ULK4: variants seen among roughly 807,000 people sequenced by gnomAD.
ULK4 encodes the protein inactive serine/threonine-protein kinase ULK4.
In ULK4, 133 loss-of-function variants were observed where a neutral mutation model predicts 160.6. The observed-to-expected ratio is 0.83, with a 90% CI of 0.72 to 0.96. The LOEUF (loss-of-function observed/expected upper bound fraction) is 0.96, where lower values mean the gene tolerates loss of function less well. ULK4 is among the 40% of genes least tolerant of loss of function. The pLI, the probability that ULK4 is intolerant of heterozygous loss-of-function variation, is 0.00. For synonymous variants in ULK4, 534 were observed against 539.8 expected (o/e 0.99, Z 0.15); for missense variants, 1,580 against 1,499.5 (o/e 1.05, Z -0.89).
rs147540453 is a variant in ULK4 at position 41,686,027 on chromosome 3, ATATGTG to A, written c.2782-4229_2782-4224del. ...TATGGATATAAATGTATATCTGCAT[ATATGTG>A]TATGTGTATATGTATATGAACATAT... On this transcript the variant is annotated intron_variant, in intron 27 of 36. Transcript: ENST00000301831. Among the ~76,000 whole-genome samples the A allele has an allele frequency of 3.2e-3, 487 of 152,304 alleles. 2 individuals are homozygous for A. The highest frequency in any genetic ancestry group is 0.011 in the African/African-American group (468 of 41,564).
chr3:41,253,918 T>G (rs1292302154), intron 35 of ULK4, among the ~76,000 whole-genome samples: 1 of 152,180 alleles, frequency 6.6e-6, no homozygotes, highest in African/African-American at 2.4e-5. Context: ...GGACATATTT[T>G]GATTAAAGGG....
chr3:41,463,080 C>T lies in ULK4; in HGVS notation c.3393+7G>A, dbSNP rs1369038780. On this transcript the variant is annotated splice_region_variant and intron_variant, in intron 33 of 36. Transcript: ENST00000301831. ...CTGCTCAAGACACAGGAAAACAGAT[C>T]CTCTACCTGCAAAGCCAGCCGTACA... 3.1e-6 allele frequency: 5 copies of T among 1,611,780 alleles called. No homozygotes were observed. The highest frequency in any genetic ancestry group is 4.2e-6 in the Non-Finnish European group (5 of 1,178,722).
At chr3:41,600,147 G>A (rs2031966928) in intron 31 of ULK4, among the ~76,000 whole-genome samples, 1 of 152,102 alleles carries the variant, frequency 6.6e-6, no homozygotes, top group South Asian at 2.1e-4. Context: ...CTAAAAGCTT[G>A]TCACAGTCTG....
At chr3:41,542,868 T>C (rs564677033) in intron 32 of ULK4, among the ~76,000 whole-genome samples, 2 of 152,182 alleles carry the variant, frequency 1.3e-5, no homozygotes, top group East Asian at 3.9e-4. Context: ...AATTGTATCA[T>C]TAGATGCAAC....
At chr3:41,571,146 T>C (rs773168364) in intron 31 of ULK4, among the ~76,000 whole-genome samples, 4 of 152,230 alleles carry the variant, frequency 2.6e-5, no homozygotes, top group Non-Finnish European at 5.9e-5. Flanking sequence ...GAGGGCTTTA[T>C]AAAAATTATG....
chr3:41,672,968 G>C (rs2035587354), intron 29 of ULK4, among the ~76,000 whole-genome samples: 1 of 152,006 alleles, frequency 6.6e-6, no homozygotes. Flanking sequence ...CTCCCAAGTA[G>C]CTAGGACTAC....
intron 30 of ULK4, among the ~76,000 whole-genome samples, chr3:41,643,331 C>G (rs1415187512): frequency 6.6e-6 from 1 of 152,026 alleles, no homozygotes; most frequent in Non-Finnish European, 1.5e-5. Context: ...TTAGGTGTAA[C>G]GTTTAAGTCT....
chr3:41,394,530 C>T (rs2082016769), intron 35 of ULK4, among the ~76,000 whole-genome samples: 1 of 152,092 alleles, frequency 6.6e-6, no homozygotes, highest in African/African-American at 2.4e-5. Flanking sequence ...TAATACAAAG[C>T]CTACTTTGTA....
chr3:41,460,059 T>C (rs768039237), intron 33 of ULK4, among the ~76,000 whole-genome samples: 11 of 152,234 alleles, frequency 7.2e-5, no homozygotes, highest in African/African-American at 1.4e-4. Flanking sequence ...AGGAATCAAG[T>C]TGGATAATTA....
chr3:41,776,654 G>A (rs1408508471), intron 21 of ULK4, among the ~76,000 whole-genome samples: 1 of 138,004 alleles, frequency 7.2e-6, no homozygotes, highest in South Asian at 2.3e-4. Flanking sequence ...TTTGTCAAAG[G>A]CTTTTTCTGC....
chr3:41,665,168 C>G (rs1379951563), intron 29 of ULK4, among the ~76,000 whole-genome samples: 1 of 152,070 alleles, frequency 6.6e-6, no homozygotes, highest in Non-Finnish European at 1.5e-5. Flanking sequence ...GAGAATAGGG[C>G]CCCATGCTTA....
At chr3:41,801,903 G>C (rs921791302) in intron 19 of ULK4, among the ~76,000 whole-genome samples, 3 of 150,548 alleles carry the variant, frequency 2.0e-5, no homozygotes, top group African/African-American at 4.9e-5. Flanking sequence ...CAAGCAACTA[G>C]AGTAAAAAGG....
chr3:41,652,413 C>T (rs1417428875), intron 30 of ULK4, among the ~76,000 whole-genome samples: 1 of 152,104 alleles, frequency 6.6e-6, no homozygotes, highest in Non-Finnish European at 1.5e-5. Context: ...ACACTTATTT[C>T]ATCAGTGCTT....
At chr3:41,937,463 C>T (rs537624384) in intron 3 of ULK4, 17 of 573,966 alleles carry the variant, frequency 3.0e-5, no homozygotes, top group Middle Eastern at 4.7e-4. Context: ...TATCAATATT[C>T]AATTATCCTT....
chr3:41,843,040 A>T (rs2041974313), intron 17 of ULK4, among the ~76,000 whole-genome samples: 1 of 152,236 alleles, frequency 6.6e-6, no homozygotes, highest in African/African-American at 2.4e-5. Flanking sequence ...AAAATGGATC[A>T]CAGACTTAAA....
chr3:41,367,314 G>A (rs1355683602), intron 35 of ULK4, among the ~76,000 whole-genome samples: 1 of 152,182 alleles, frequency 6.6e-6, no homozygotes, highest in Non-Finnish European at 1.5e-5. Context: ...GCTGTAGGCA[G>A]CCTCACCCTG....
chr3:41,925,483 G>A (rs1047438543), intron 5 of ULK4, among the ~76,000 whole-genome samples: 1 of 152,204 alleles, frequency 6.6e-6, no homozygotes, highest in Admixed American at 6.5e-5. Context: ...TGGCCGTTGG[G>A]GCAGACACCA....
intron 34 of ULK4, among the ~76,000 whole-genome samples, chr3:41,427,505 A>T (rs1301802590): frequency 6.6e-6 from 1 of 152,206 alleles, no homozygotes; most frequent in Non-Finnish European, 1.5e-5. Flanking sequence ...GATGAACATC[A>T]ATGCAAAAAT....
chr3:41,588,855 T>C (rs893415005), intron 31 of ULK4, among the ~76,000 whole-genome samples: 4 of 152,204 alleles, frequency 2.6e-5, no homozygotes, highest in African/African-American at 9.6e-5. Context: ...AATGAAGTAC[T>C]GAGGTCAATA....
Sources: allele counts gnomAD v4.1 joint callset (sites outside exome capture counted in the v4.1 genomes callset), GRCh38; gene constraint gnomAD v4.1.1; transcripts MANE v1.5; gene names NCBI Gene and HGNC (gene_info 2026-07-23, HGNC 2026-07-21).